Variants in IRAG2 observed in about 807,000 individuals in gnomAD.
IRAG2 encodes the protein lymphoid restricted membrane protein.
In IRAG2, 45 loss-of-function variants were observed where a neutral mutation model predicts 69.9. The ratio of observed to expected loss-of-function variants is 0.64; its 90% CI spans 0.51 to 0.83. IRAG2 has a LOEUF of 0.83. Ranked by LOEUF, IRAG2 falls within the 40% of genes least tolerant of loss-of-function variation. IRAG2 has a pLI of 0.00. For missense variants in IRAG2, 520 were observed against 587.0 expected (o/e 0.89, Z 1.18); for synonymous variants, 193 against 202.4 (o/e 0.95, Z 0.40).
intron 15 of IRAG2, among the ~76,000 whole-genome samples, chr12:25,097,947 T>C (rs1948521178): frequency 6.6e-6 from 1 of 152,252 alleles, no homozygotes; most frequent in South Asian, 2.1e-4. Context: ...TTTTAGGTAT[T>C]ATCTGTTGCT....
chr12:25,104,233 C>T, intron 19 of IRAG2, 128 bp from the exon 20 acceptor site: 2 of 802,382 alleles, frequency 2.5e-6, no homozygotes, highest in Non-Finnish European at 3.9e-6. Flanking sequence ...AGTAGGAGAT[C>T]TGTGAATGTG....
At chr12:25,050,152 A>G (rs191688910), upstream of IRAG2, among the ~76,000 whole-genome samples, 7 of 151,504 alleles carry the variant, frequency 4.6e-5, no homozygotes, top group Admixed American at 3.3e-4. Flanking sequence ...AAAAACAAAT[A>G]AAAAAAAGTG....
intron 6 of IRAG2, 131 bp from the exon 7 acceptor site, chr12:25,079,113 A>T (rs207472755): frequency 2.4e-6 from 2 of 844,192 alleles, no homozygotes; most frequent in South Asian, 3.0e-5. Context: ...TCCCATTCCC[A>T]TATCCTTTCC....
intron 15 of IRAG2, among the ~76,000 whole-genome samples, chr12:25,037,184 T>C (rs968395683): frequency 1.3e-5 from 2 of 152,188 alleles, no homozygotes; most frequent in Non-Finnish European, 2.9e-5. Flanking sequence ...CCCTCACCTA[T>C]TTACCTCTAC....
rs115798993 is a variant in IRAG2 at position 25,031,453 on chromosome 12, C to T, written c.1519-689C>T. 6.5e-3 allele frequency among the ~76,000 whole-genome samples: 987 copies of T among 152,236 alleles called. 9 individuals are homozygous for T. Among genetic ancestry groups the T allele is most frequent in the African/African-American group, 0.023 (939 of 41,532 alleles). On this transcript the variant is annotated intron_variant, in intron 10 of 38. Transcript: ENST00000636465. ...GAAAACAATGATTTTAAGGAGGTATCATTAGTACTGAAAAAAATCAGATGC... is the reference window on the plus strand; with the variant it reads ...GAAAACAATGATTTTAAGGAGGTATTATTAGTACTGAAAAAAATCAGATGC...
intron 8 of IRAG2, 65 bp from the exon 9 acceptor site, chr12:25,079,591 G>T: frequency 7.8e-7 from 1 of 1,282,268 alleles, no homozygotes; most frequent in Middle Eastern, 1.8e-4. Flanking sequence ...GCATAGTATA[G>T]TTAAATACAC....
intron 10 of IRAG2, chr12:25,030,390 C>G (rs1423788040): frequency 3.5e-6 from 4 of 1,156,516 alleles, no homozygotes; most frequent in Admixed American, 4.2e-5. Context: ...CTCTCCAAAT[C>G]TGATTCTTTT....
intron 20 of IRAG2, among the ~76,000 whole-genome samples, chr12:25,106,035 G>T (rs1235727145): frequency 6.6e-6 from 1 of 151,890 alleles, no homozygotes; most frequent in East Asian, 1.9e-4. Context: ...TCAATCAATT[G>T]CTATTTCCCA....
At chr12:25,002,787 G>A (rs147314086), upstream of IRAG2, among the ~76,000 whole-genome samples, 1,788 of 151,978 alleles carry the variant, frequency 0.012, 35 homozygotes, top group African/African-American at 0.04. Flanking sequence ...GATTACAGTC[G>A]CCTGCCACCA....
intron 7 of IRAG2, among the ~76,000 whole-genome samples, chr12:25,022,008 G>T (rs1944584998): frequency 6.6e-6 from 1 of 152,152 alleles, no homozygotes. Context: ...CCCACGCTTG[G>T]GAGTCAGACT....
intron 15 of IRAG2, among the ~76,000 whole-genome samples, chr12:25,098,801 A>C (rs965892636): frequency 2.0e-5 from 3 of 152,022 alleles, no homozygotes; most frequent in African/African-American, 7.2e-5. Flanking sequence ...CCCTCCTCCC[A>C]CGTTCTCTCC....
At position 25,104,278 on chromosome 12, in the gene IRAG2, ATTTAC is replaced by A. The variant is rs1253374531; in HGVS notation, c.1047-80_1047-76del. On this transcript the variant is annotated intron_variant, in intron 19 of 21. Coordinates refer to ENST00000556887, the MANE Select transcript of IRAG2 (RefSeq NM_001366544.2). ...AAATAATTAGGACATATAATTTTGT[ATTTAC>A]TTAAGCAGTAGGAAATAAATTGATA... 1.5e-5 allele frequency: 15 copies of A among 995,466 alleles called. No individual in the cohort carries two copies. In the African/African-American group the frequency reaches 1.8e-4, roughly 12 times the overall value. The allele number at this position is 995,466 out of a possible 1,614,324, so 61.7% of individuals were successfully genotyped here.
At chr12:25,011,845 T>C (rs80039232) in intron 3 of IRAG2, among the ~76,000 whole-genome samples, 3,483 of 152,296 alleles carry the variant, frequency 0.023, 50 homozygotes, top group East Asian at 0.092. Context: ...TTGTGATTAG[T>C]GGGGAGCACA....
intron 6 of IRAG2, chr12:25,076,591 C>T (rs1946703771): frequency 1.0e-6 from 1 of 982,244 alleles, no homozygotes; most frequent in East Asian, 1.1e-4. Flanking sequence ...AAAATAAGAA[C>T]TGCATTCTCT....
At chr12:25,067,363 C>T (rs1428368262) in intron 5 of IRAG2, among the ~76,000 whole-genome samples, 1 of 152,172 alleles carries the variant, frequency 6.6e-6, no homozygotes, top group Non-Finnish European at 1.5e-5. Flanking sequence ...ACACCAATCA[C>T]TTCTCCAGCC....
intron 1 of IRAG2, 24 bp from the exon 2 acceptor site, chr12:25,061,568 G>T: frequency 5.0e-6 from 2 of 398,508 alleles, no homozygotes; most frequent in Non-Finnish European, 8.8e-6. Flanking sequence ...GTCATATTGA[G>T]CTGGTTATAA....
exon 1 of IRAG2, chr12:25,004,347 C>A: frequency 1.6e-6 from 2 of 1,232,056 alleles, no homozygotes; most frequent in African/African-American, 1.6e-5. Flanking sequence ...CAACAATGGC[C>A]TCTCCAAGGA....
chr12:25,032,564 T>C (rs1230344817), intron 12 of IRAG2, among the ~76,000 whole-genome samples: 1 of 152,228 alleles, frequency 6.6e-6, no homozygotes, highest in African/African-American at 2.4e-5. Context: ...CAGGATGCTA[T>C]GACAAAATAC....
At chr12:25,016,384 G>A (rs758303647) in intron 5 of IRAG2, among the ~76,000 whole-genome samples, 19 of 152,202 alleles carry the variant, frequency 1.2e-4, no homozygotes, top group Non-Finnish European at 2.5e-4. Flanking sequence ...CATTAGGAAA[G>A]ATGAGTACTG....
Sources: allele counts gnomAD v4.1 joint callset (sites outside exome capture counted in the v4.1 genomes callset), GRCh38; gene constraint gnomAD v4.1.1; transcripts MANE v1.5; gene names NCBI Gene and HGNC (gene_info 2026-07-23, HGNC 2026-07-21).